The following ANKMY1 variants were observed in gnomAD, a reference collection of about 807,000 sequenced individuals.
The protein encoded by ANKMY1 is ankyrin repeat and MYND domain containing 1.
A neutral mutation model predicts 102.0 loss-of-function variants in ANKMY1; 98 were observed. That is an observed-to-expected ratio of 0.96 (90% CI 0.82 to 1.14). The LOEUF (loss-of-function observed/expected upper bound fraction) is 1.14. Among genes scored for constraint, ANKMY1 ranks in the 50% most tolerant of loss-of-function variants. The pLI, the probability that ANKMY1 is intolerant of heterozygous loss-of-function variation, is 0.00. For synonymous variants in ANKMY1, 582 were observed against 559.9 expected, an observed-to-expected ratio of 1.04 and a Z score of -0.56; for missense variants, 1,330 against 1,347.6, an observed-to-expected ratio of 0.99 and a Z score of 0.20.
intron 6 of ANKMY1, 158 bp from the exon 7 acceptor site, chr2:240,526,007 G>A (rs1348253664): frequency 1.9e-6 from 2 of 1,035,634 alleles, no homozygotes; most frequent in Admixed American, 4.5e-5. Flanking sequence ...TGGGACAGAG[G>A]AATGGAACAG....
chr2:240,542,414 G>T (rs992697651), intron 4 of ANKMY1, among the ~76,000 whole-genome samples: 3 of 151,770 alleles, frequency 2.0e-5, no homozygotes, highest in Non-Finnish European at 4.4e-5. Context: ...CCGAGGCAGA[G>T]AATCACTTGA....
chr2:240,531,551 T>A (rs2152441623), intron 4 of ANKMY1, among the ~76,000 whole-genome samples: 1 of 152,302 alleles, frequency 6.6e-6, no homozygotes, highest in East Asian at 1.9e-4. Context: ...TACCCCATAA[T>A]TTTTTTAAAT....
At chr2:240,486,109 A>G (rs1019351407) in intron 15 of ANKMY1, among the ~76,000 whole-genome samples, 2 of 152,202 alleles carry the variant, frequency 1.3e-5, no homozygotes, top group African/African-American at 2.4e-5. Context: ...GAGAAAATGT[A>G]TATATTTATA....
At position 240,500,558 on chromosome 2, in the gene ANKMY1, C is replaced by CG; in HGVS notation, c.2533dup (p.Arg845ProfsTer209). ...GATGTCGGCCCCGTGACTGATGAGT[C>CG]GGTCAATCTGTGGAGAACAGAACCA... is the stretch of plus-strand genomic sequence containing the variant. On this transcript the variant is annotated frameshift_variant, in exon 14 of 18. Transcript: ENST00000401804. LOFTEE classifies it high-confidence loss of function. 6.2e-7 allele frequency: 1 copy of CG among 1,613,944 alleles called. No homozygotes were observed. The highest frequency in any genetic ancestry group is 8.5e-7 in the Non-Finnish European group (1 of 1,179,886).
At chr2:240,498,385 G>A (rs1223678932) in intron 15 of ANKMY1, among the ~76,000 whole-genome samples, 1 of 151,724 alleles carries the variant, frequency 6.6e-6, no homozygotes, top group Non-Finnish European at 1.5e-5. Flanking sequence ...GTGTGGAGAT[G>A]TATGCAGATT....
intron 4 of ANKMY1, among the ~76,000 whole-genome samples, chr2:240,549,879 A>G (rs1164785457): frequency 6.6e-6 from 1 of 152,006 alleles, no homozygotes; most frequent in Non-Finnish European, 1.5e-5. Flanking sequence ...GGTGCTGGAG[A>G]GGATGTGGAG....
At chr2:240,551,701 G>A (rs1172884087) in intron 4 of ANKMY1, among the ~76,000 whole-genome samples, 4 of 152,160 alleles carry the variant, frequency 2.6e-5, no homozygotes, top group Non-Finnish European at 5.9e-5. Context: ...ATGGTATGGA[G>A]CTGCCCACAA....
chr2:240,478,789 G>A (rs1423039615), downstream of ANKMY1, among the ~76,000 whole-genome samples: 3 of 151,204 alleles, frequency 2.0e-5, no homozygotes, highest in Non-Finnish European at 2.9e-5. Flanking sequence ...AGCCTGGAGC[G>A]GGGTCTCACC....
At chr2:240,515,340 G>T (rs545353082) in intron 9 of ANKMY1, among the ~76,000 whole-genome samples, 66 of 152,218 alleles carry the variant, frequency 4.3e-4, no homozygotes, top group African/African-American at 1.0e-3. Context: ...TTCAAGACCA[G>T]CCTGGCCAAC....
At chr2:240,479,685 G>A (rs1287415959) in intron 17 of ANKMY1, 30 bp from the exon 18 acceptor site, 2 of 1,608,768 alleles carry the variant, frequency 1.2e-6, no homozygotes, top group African/African-American at 1.3e-5. Flanking sequence ...GGGGGAGGGG[G>A]AAGAGGGGGC....
At chr2:240,475,456 AG>A (rs1307547378), downstream of ANKMY1, among the ~76,000 whole-genome samples, 1 of 152,156 alleles carries the variant, frequency 6.6e-6, no homozygotes, top group East Asian at 1.9e-4. Flanking sequence ...GCAAGGTAAA[AG>A]ATCCTTGCTT....
At chr2:240,491,734 C>T (rs2076679395) in intron 15 of ANKMY1, among the ~76,000 whole-genome samples, 2 of 151,872 alleles carry the variant, frequency 1.3e-5, no homozygotes, top group South Asian at 2.1e-4. Flanking sequence ...TTGAATATAC[C>T]ACCCCATTCT....
At position 240,553,049 on chromosome 2, in the gene ANKMY1, A is replaced by G; in HGVS notation, c.345T>C (p.His115=). 1 of 1,613,674 alleles carries G rather than the reference A, an allele frequency of 6.2e-7. No individual in the cohort carries two copies. The highest frequency in any genetic ancestry group is 8.5e-7 in the Non-Finnish European group (1 of 1,179,726). The change falls in exon 4 of 18, where the codon CAT becomes CAC. Residue 115 remains histidine (H), a synonymous_variant. Transcript: ENST00000401804. ...KFSWPTGESY[H]GQFYRDHCHG... Reference sequence around the variant, plus strand: ...GGCAGTGGTCCCGGTAAAACTGCCCATGGTATGACTGTGAGATGGAGAAGT... The same window carrying G: ...GGCAGTGGTCCCGGTAAAACTGCCCGTGGTATGACTGTGAGATGGAGAAGT...
intron 2 of ANKMY1, among the ~76,000 whole-genome samples, chr2:240,555,952 C>T (rs118081468): frequency 2.0e-5 from 3 of 152,326 alleles, no homozygotes; most frequent in East Asian, 3.9e-4. Context: ...AAGGGCCTTC[C>T]GTTCTCAGCT....
Position 240,524,395 on chromosome 2 carries a change from C to A in ANKMY1, c.1336-14G>T, listed in dbSNP as rs765744765. Reference sequence around the variant, plus strand: ...TTTTGGAGGTTCCTTTGGAAAGAACCAAAAAAGTGTCATTAGAATAAATTG... The same window carrying A: ...TTTTGGAGGTTCCTTTGGAAAGAACAAAAAAAGTGTCATTAGAATAAATTG... On this transcript the variant is annotated splice_polypyrimidine_tract_variant and intron_variant, in intron 7 of 17. Transcript: ENST00000401804. The A allele has an allele frequency of 2.7e-5, 43 of 1,570,812 alleles. 1 individual carries two copies. In the Admixed American group the frequency reaches 3.3e-4, roughly 12 times the overall value.
intron 3 of ANKMY1, 167 bp downstream of exon 3, chr2:240,554,699 T>C (rs978910420): frequency 6.5e-6 from 5 of 765,772 alleles, no homozygotes; most frequent in South Asian, 2.3e-5. Context: ...ATTTTGGAAG[T>C]TGGGAAAGAT....
intron 15 of ANKMY1, among the ~76,000 whole-genome samples, chr2:240,496,372 AT>A: frequency 6.7e-6 from 1 of 149,144 alleles, no homozygotes; most frequent in African/African-American, 2.5e-5. Context: ...AGATAGATAG[AT>A]AGATAGATAG....
At chr2:240,472,455 C>T in the ANKMY1 span, among the ~76,000 whole-genome samples, 2 of 152,248 alleles carry the variant, frequency 1.3e-5, no homozygotes, top group Admixed American at 6.5e-5. Context: ...GAGCCTTAAA[C>T]CAGCCTTGTG....
At chr2:240,519,522 C>T (rs1194938740) in intron 9 of ANKMY1, among the ~76,000 whole-genome samples, 1 of 152,174 alleles carries the variant, frequency 6.6e-6, no homozygotes, top group Non-Finnish European at 1.5e-5. Flanking sequence ...TCACCCCAGA[C>T]GCCTCTGAGA....
Sources: gnomAD v4.1 joint callset for allele counts (sites outside exome capture counted in the v4.1 genomes callset) on GRCh38, gnomAD v4.1.1 for gene constraint, MANE v1.5 for transcripts, NCBI Gene and HGNC (gene_info 2026-07-23, HGNC 2026-07-21) for gene names.